Variants in OCIAD1 observed in about 807,000 individuals in gnomAD.
The protein encoded by OCIAD1 is OCIA domain-containing protein 1.
Under a neutral mutation model 38.9 loss-of-function variants are expected in OCIAD1, and 29 were observed. That is an observed-to-expected ratio of 0.74 (90% CI 0.55 to 1.02). The LOEUF is 1.02. OCIAD1 is among the 50% of genes least tolerant of loss of function. OCIAD1 has a pLI of 0.00. For synonymous variants in OCIAD1, 110 were observed against 92.0 expected (o/e 1.20, Z -1.12); for missense variants, 288 against 289.6 (o/e 0.99, Z 0.04).
At chr4:48,810,236 G>A (rs1398044751) in intron 1 of OCIAD1, among the ~76,000 whole-genome samples, 5 of 152,050 alleles carry the variant, frequency 3.3e-5, no homozygotes, top group East Asian at 3.9e-4. Flanking sequence ...TTGGGAGGCC[G>A]AGGCGGGTGG....
At chr4:48,822,445 G>C (rs1275162762) in intron 1 of OCIAD1, among the ~76,000 whole-genome samples, 1 of 152,142 alleles carries the variant, frequency 6.6e-6, no homozygotes, top group Admixed American at 6.5e-5. Flanking sequence ...AAAAACCTTA[G>C]AAGAAAACAT....
chr4:48,830,888 G>A (rs1777416911), upstream of OCIAD1: 1 of 154,650 alleles, frequency 6.5e-6, no homozygotes, highest in South Asian at 1.9e-4. Flanking sequence ...GCCATCCAGG[G>A]AAGGGGCGGG....
At chr4:48,832,767 C>G (rs1579048876) in intron 2 of OCIAD1, 85 bp downstream of exon 2, 1 of 998,594 alleles carries the variant, frequency 1.0e-6, no homozygotes, top group Non-Finnish European at 1.6e-6. Context: ...GGCAGGTGGG[C>G]TGGCTTCATG....
chr4:48,819,957 C>T (rs1272779324), intron 1 of OCIAD1, among the ~76,000 whole-genome samples: 3 of 152,020 alleles, frequency 2.0e-5, no homozygotes, highest in African/African-American at 7.3e-5. Context: ...TAATGGGAGA[C>T]TTTAACACCC....
chr4:48,832,675 A>G lies in OCIAD1; in HGVS notation c.51A>G (p.Pro17=). The G allele has an allele frequency of 1.9e-6, 3 of 1,609,282 alleles. No individual in the cohort carries two copies. The change falls in exon 2 of 9, where the codon CCA becomes CCG. Residue 17 remains proline, a synonymous_variant. Coordinates refer to ENST00000264312, the MANE Select transcript of OCIAD1 (RefSeq NM_017830.4). ...AGCCGAATGCAGAGGTTCCAAGACCAATTCCCCGTAACTATCTATTAAGTA... is the reference window on the plus strand; with the variant it reads ...AGCCGAATGCAGAGGTTCCAAGACCGATTCCCCGTAACTATCTATTAAGTA... ...FREPNAEVPR[P]IPHIGPDYIP...
chr4:48,819,784 A>G (rs1446498362), intron 1 of OCIAD1, among the ~76,000 whole-genome samples: 1 of 151,490 alleles, frequency 6.6e-6, no homozygotes, highest in African/African-American at 2.4e-5. Context: ...AACAGACTTT[A>G]AACCAACAAA....
At chr4:48,841,216 C>G (rs1778495510) in intron 3 of OCIAD1, among the ~76,000 whole-genome samples, 1 of 152,170 alleles carries the variant, frequency 6.6e-6, no homozygotes, top group Non-Finnish European at 1.5e-5. Flanking sequence ...GATTGGCCCA[C>G]AAAACCCAAA....
intron 7 of OCIAD1, among the ~76,000 whole-genome samples, chr4:48,852,882 G>GTTTTTTGTTTTTGTTTT (rs1553901200): frequency 7.9e-6 from 1 of 126,338 alleles, no homozygotes; most frequent in Non-Finnish European, 1.7e-5. Flanking sequence ...TTTGTTTTTT[G>GTTTTTTGTTTTTGTTTT]TTTTTTTTTT....
chr4:48,833,238 G>A (rs1777682128), intron 2 of OCIAD1, among the ~76,000 whole-genome samples, 163 bp from the exon 3 acceptor site: 3 of 152,106 alleles, frequency 2.0e-5, no homozygotes, highest in Admixed American at 1.3e-4. Flanking sequence ...GGCAACAAGA[G>A]TGAAACACTG....
At chr4:48,828,986 T>C (rs556445283), upstream of OCIAD1, among the ~76,000 whole-genome samples, 14 of 152,312 alleles carry the variant, frequency 9.2e-5, no homozygotes, top group Non-Finnish European at 1.8e-4. Flanking sequence ...TTAAAGTTGG[T>C]GCAGTGGCTC....
At chr4:48,820,818 T>C (rs1393620715) in intron 1 of OCIAD1, among the ~76,000 whole-genome samples, 2 of 152,214 alleles carry the variant, frequency 1.3e-5, no homozygotes, top group African/African-American at 2.4e-5. Context: ...GATAAATTCC[T>C]GGACACATAC....
chr4:48,857,326 T>C lies in OCIAD1; in HGVS notation c.661T>C (p.Ser221Pro). The C allele has an allele frequency of 1.3e-6, 2 of 1,596,316 alleles. No homozygotes were observed. Among genetic ancestry groups the C allele is most frequent in the South Asian group, 1.1e-5 (1 of 87,870 alleles). The change falls in exon 8 of 9, where the codon TCA becomes CCA. Residue 221 changes from serine (S) to proline (P), a missense_variant. Coordinates refer to ENST00000264312, the MANE Select transcript of OCIAD1 (RefSeq NM_017830.4). ...ATCTTTAACACAAAAGACTGACCCC[T>C]CAGTCAGGCCTATGCATGAAAGAGT... ...EVSLTQKTDP[S>P]VRPMHERVPK...
chr4:48,842,687 A>C lies in OCIAD1; in HGVS notation c.191A>C (p.Lys64Thr). ...TTGATTACTCAAGGATTAATTAGTA[A>C]AGGTAAATATTTAAAATTTGAATTT... ...SMLITQGLISKGILSSHPKYG... is the reference protein window; with the variant it reads ...SMLITQGLISTGILSSHPKYG... Residue 64 changes from lysine (K) to threonine (T), a missense_variant and splice_region_variant, in exon 4 of 9, where the codon AAA becomes ACA. Physicochemically the swap from Lys to Thr is moderately conservative, Grantham distance 78. Coordinates refer to ENST00000264312, the MANE Select transcript of OCIAD1 (RefSeq NM_017830.4). 6.6e-7 allele frequency: 1 copy of C among 1,512,422 alleles called. No homozygotes were observed. The allele number at this position is 1,512,422 out of a possible 1,614,324, so 93.7% of individuals were successfully genotyped here.
At chr4:48,822,853 C>T (rs1341655949) in intron 1 of OCIAD1, among the ~76,000 whole-genome samples, 1 of 152,160 alleles carries the variant, frequency 6.6e-6, no homozygotes, top group African/African-American at 2.4e-5. Flanking sequence ...CCATCTTACA[C>T]CAGTCAGAAT....
chr4:48,827,972 G>A (rs1194361090), upstream of OCIAD1, among the ~76,000 whole-genome samples: 1 of 151,356 alleles, frequency 6.6e-6, no homozygotes, highest in South Asian at 2.1e-4. Flanking sequence ...TAGCTACTCT[G>A]GTGGGGACTT....
chr4:48,852,882 G>GTTTTTTTGTTTTTTTTTT (rs1779635252), intron 7 of OCIAD1, among the ~76,000 whole-genome samples: 1 of 126,338 alleles, frequency 7.9e-6, no homozygotes, highest in African/African-American at 3.2e-5. Flanking sequence ...TTTGTTTTTT[G>GTTTTTTTGTTTTTTTTTT]TTTTTTTTTT....
chr4:48,812,282 C>CAAAAAAAAAAAAAAAAAAA lies in OCIAD1; in HGVS notation c.-103+6968_-103+6986dup, dbSNP rs397881494. ...TGGGCAACAGAGTGAGAGTTGGTCTCAAAAAAAAAAAAAAAAAAAAAAAAA... is the reference window on the plus strand; with the variant it reads ...TGGGCAACAGAGTGAGAGTTGGTCTCAAAAAAAAAAAAAAAAAAAAAAAAAAAAAAAAAAAAAAAAAAAA... On this transcript the variant is annotated intron_variant, in intron 1 of 6. Transcript: ENST00000504654. Among the ~76,000 whole-genome samples the CAAAAAAAAAAAAAAAAAAA allele has an allele frequency of 3.6e-4, 9 of 25,076 alleles. 2 individuals carry two copies. The highest frequency in any genetic ancestry group is 8.6e-4 in the Admixed American group (1 of 1,168). The allele number at this position is 25,076 out of a possible 152,430, so 16.5% of individuals were successfully genotyped here. A position where few individuals can be genotyped will look rare whatever the true frequency, so the allele number is the denominator to read the frequency against.
At chr4:48,822,564 AGCTTCT>A (rs1392348796) in intron 1 of OCIAD1, among the ~76,000 whole-genome samples, 1 of 152,252 alleles carries the variant, frequency 6.6e-6, no homozygotes, top group Non-Finnish European at 1.5e-5. Flanking sequence ...TAAACTGAAG[AGCTTCT>A]GCACAGCAAA....
In OCIAD1 at chr4:48,833,469, T is replaced by C. The variant is rs1164760982; in HGVS notation, c.127T>C (p.Phe43Leu). 14 of 1,596,830 alleles carry C rather than the reference T, an allele frequency of 8.8e-6. No homozygotes were observed. The highest frequency in any genetic ancestry group is 1.3e-5 in the African/African-American group (1 of 74,514). Residue 43 changes from phenylalanine to leucine, a missense_variant, in exon 3 of 9, where the codon TTC becomes CTC. Transcript: ENST00000264312. ...RVFAECNDESFWFRSVPLAAT... is the reference protein window; with the variant it reads ...RVFAECNDESLWFRSVPLAAT... Reference sequence around the variant, plus strand: ...CTTCGCAGAATGCAATGATGAAAGCTTCTGGTTCAGATGTGAGTTCAATTT... The same window carrying C: ...CTTCGCAGAATGCAATGATGAAAGCCTCTGGTTCAGATGTGAGTTCAATTT...
Sources: gnomAD v4.1 joint callset for allele counts (sites outside exome capture counted in the v4.1 genomes callset) on GRCh38, gnomAD v4.1.1 for gene constraint, MANE v1.5 for transcripts, NCBI Gene and HGNC (gene_info 2026-07-23, HGNC 2026-07-21) for gene names.